ULK3: variants seen among roughly 807,000 people sequenced by gnomAD.
The protein encoded by ULK3 is unc-51 like kinase 3.
In ULK3, 54 loss-of-function variants were observed where a neutral mutation model predicts 69.4. The observed-to-expected ratio is 0.78, with a 90% CI of 0.63 to 0.98. ULK3 has a LOEUF of 0.98. ULK3 is among the 50% of genes least tolerant of loss of function. The pLI, the probability that ULK3 is intolerant of heterozygous loss-of-function variation, is 0.00. For synonymous variants in ULK3, 240 were observed against 254.5 expected (o/e 0.94, Z 0.54); for missense variants, 558 against 627.7 (o/e 0.89, Z 1.19).
In ULK3 at chr15:74,842,319, G is replaced by A; in HGVS notation, c.204C>T (p.Gly68=). 1 of 1,614,018 alleles carries A rather than the reference G, an allele frequency of 6.2e-7. No homozygotes were observed. The highest frequency in any genetic ancestry group is 8.5e-7 in the Non-Finnish European group (1 of 1,179,900). Residue 68 remains glycine, a synonymous_variant, in exon 2 of 16, where the codon GGC becomes GGT. Coordinates refer to ENST00000440863, the MANE Select transcript of ULK3 (RefSeq NM_001099436.4). This position sits in a 1 kb window ranked among gnomAD's most constrained non-coding sequence, Gnocchi z 4.9. ...GCTGCACAATGTGGGGATGTCGAAT[G>A]CCCTTGAGGATCTCAATCTCCGTGA... ...NLLTEIEILK[G]IRHPHIVQLK... is the part of the protein sequence containing the mutation.
At position 74,838,154 on chromosome 15, in the gene ULK3, C is replaced by G; in HGVS notation, c.1285G>C (p.Glu429Gln). ...ACCCTCTCAAGCTCAGTGGGCACCT[C>G]AGTGTGAAGCAGCTCCCGCCTCCGG... ...PGRRRELLHT[E>Q]VQNLMARAEY... The change falls in exon 13 of 16, where the codon GAG becomes CAG. Residue 429 changes from glutamate to glutamine, a missense_variant and splice_region_variant. By Grantham distance (29) the Glu-to-Gln change is conservative (BLOSUM62 2). Transcript: ENST00000440863. The G allele has an allele frequency of 6.4e-7, 1 of 1,556,424 alleles. No individual in the cohort carries two copies. The highest frequency in any genetic ancestry group is 2.4e-5 in the East Asian group (1 of 41,434).
In ULK3 at chr15:74,842,706, A is replaced by C; in HGVS notation, c.103-286T>G. ...TGCTCCCGGCAGAGGCATGTCACTC[A>C]GGGTTCTAGAACCGCCCACTCTGCC... On this transcript the variant is annotated intron_variant, in intron 1 of 15. Coordinates refer to ENST00000440863, the MANE Select transcript of ULK3 (RefSeq NM_001099436.4). The surrounding 1 kb of genome is among the most constrained non-coding windows in gnomAD (Gnocchi z 4.9). 1 of 1,533,348 alleles carries C rather than the reference A, an allele frequency of 6.5e-7. No individual in the cohort carries two copies. The highest frequency in any genetic ancestry group is 8.7e-7 in the Non-Finnish European group (1 of 1,145,028). 95.0% of individuals were successfully genotyped at this position (1,533,348 alleles called of 1,614,324 possible).
chr15:74,839,977 T>C (rs1426500631), intron 6 of ULK3, among the ~76,000 whole-genome samples: 1 of 152,100 alleles, frequency 6.6e-6, no homozygotes, highest in African/African-American at 2.4e-5. Context: ...ACTATGCTCC[T>C]AGGAAGGCTG....
In ULK3 at chr15:74,837,729, AGCGTGG is replaced by A; in HGVS notation, c.1335+16_1335+21del. ...AACAGAACCCACAGACCCTAGCCCC[AGCGTGG>A]CCCCCATGTGCCCACCTTGACCTGC... On this transcript the variant is annotated intron_variant, in intron 14 of 15. Coordinates refer to ENST00000440863, the MANE Select transcript of ULK3 (RefSeq NM_001099436.4). The A allele has an allele frequency of 6.3e-7, 1 of 1,587,278 alleles. No individual in the cohort carries two copies. The highest frequency in any genetic ancestry group is 8.6e-7 in the Non-Finnish European group (1 of 1,165,860).
At chr15:74,838,115 G>C in intron 13 of ULK3, 37 bp downstream of exon 13, 7 of 1,549,860 alleles carry the variant, frequency 4.5e-6, no homozygotes, top group Non-Finnish European at 6.1e-6. Flanking sequence ...GAAAGGGGAA[G>C]AGGAAGCCCC....
chr15:74,842,215 G>A lies in ULK3; in HGVS notation c.244-20C>T, dbSNP rs773252862. 5.0e-6 allele frequency: 8 copies of A among 1,614,034 alleles called. No individual in the cohort carries two copies. In the South Asian group the frequency reaches 7.7e-5, roughly 16 times the overall value. ...GTCCCACTGTGTTTAGAGGCAGAGA[G>A]GCGGCCTGAAGAGAGTGTCCCTTCT... On this transcript the variant is annotated intron_variant, in intron 2 of 15. Transcript: ENST00000440863. The surrounding 1 kb of genome is among the most constrained non-coding windows in gnomAD (Gnocchi z 4.9).
In ULK3 at chr15:74,839,723, A is replaced by G; in HGVS notation, c.697-10T>C. ...GGGGCCGCAAGGGGAGCTGCAGGGAAGGGAACGGCAGGGACAGATCACACT... is the reference window on the plus strand; with the variant it reads ...GGGGCCGCAAGGGGAGCTGCAGGGAGGGGAACGGCAGGGACAGATCACACT... On this transcript the variant is annotated splice_polypyrimidine_tract_variant and intron_variant, in intron 6 of 15. Transcript: ENST00000440863. The G allele has an allele frequency of 6.6e-7, 1 of 1,523,428 alleles. No homozygotes were observed. The highest frequency in any genetic ancestry group is 8.8e-7 in the Non-Finnish European group (1 of 1,139,858). 94.4% of individuals were successfully genotyped at this position (1,523,428 alleles called of 1,614,324 possible).
chr15:74,836,961 A>T lies in ULK3; in HGVS notation c.*267T>A. 2.4e-6 allele frequency: 1 copy of T among 424,338 alleles called. No homozygotes were observed. Among genetic ancestry groups the T allele is most frequent in the Non-Finnish European group, 4.2e-6 (1 of 240,692 alleles). The allele number at this position is 424,338 out of a possible 1,614,324, so 26.3% of individuals were successfully genotyped here. A position where few individuals can be genotyped will look rare whatever the true frequency, so the allele number is the denominator to read the frequency against. On this transcript the variant is annotated 3_prime_UTR_variant, in exon 16 of 16. Transcript: ENST00000440863. This position sits in a 1 kb window ranked among gnomAD's most constrained non-coding sequence, Gnocchi z 4.0. Reference sequence around the variant, plus strand: ...CGGACAGGCACAGGACCCAGTAACCACCGAGTAACAAAGGTCTCATGAAAG... The same window carrying T: ...CGGACAGGCACAGGACCCAGTAACCTCCGAGTAACAAAGGTCTCATGAAAG...
chr15:74,837,930 C>G (rs1233833171), intron 13 of ULK3, 132 bp from the exon 14 acceptor site: 8 of 1,180,736 alleles, frequency 6.8e-6, no homozygotes, highest in Non-Finnish European at 9.6e-6. Context: ...TCCTGAGTCC[C>G]TTATCTGCTC....
intron 4 of ULK3, 23 bp downstream of exon 4, chr15:74,841,382 T>C (rs2064240389): frequency 1.2e-6 from 2 of 1,603,538 alleles, no homozygotes; most frequent in Non-Finnish European, 1.7e-6. Context: ...CCAAACCTCA[T>C]CCCTGCTGTT....
In ULK3 at chr15:74,837,438, G is replaced by T. The variant is rs981119121; in HGVS notation, c.1336-3C>A. On this transcript the variant is annotated splice_polypyrimidine_tract_variant and splice_region_variant and intron_variant, in intron 14 of 15. Coordinates refer to ENST00000440863, the MANE Select transcript of ULK3 (RefSeq NM_001099436.4). ...GCTTCCCAGCGAGATTCCCTCATCTGTGGGATGTGAAGGCAGCACAAGGGA... is the reference window on the plus strand; with the variant it reads ...GCTTCCCAGCGAGATTCCCTCATCTTTGGGATGTGAAGGCAGCACAAGGGA... 3 of 1,610,774 alleles carry T rather than the reference G, an allele frequency of 1.9e-6. No homozygotes were observed. The highest frequency in any genetic ancestry group is 2.5e-6 in the Non-Finnish European group (3 of 1,178,648).
At chr15:74,840,474 A>G (rs2064206331) in intron 5 of ULK3, 24 bp downstream of exon 5, 1 of 1,595,060 alleles carries the variant, frequency 6.3e-7, no homozygotes, top group African/African-American at 1.3e-5. Context: ...CCTCAGGGTG[A>G]GAAGCAGGGA....
chr15:74,840,460 T>G, intron 5 of ULK3, 38 bp downstream of exon 5: 1 of 1,586,164 alleles, frequency 6.3e-7, no homozygotes, highest in Non-Finnish European at 8.6e-7. Flanking sequence ...GAGGAAACTG[T>G]AGGCCTCAGG....
At chr15:74,840,120 C>T in intron 6 of ULK3, 114 bp downstream of exon 6, 2 of 1,344,878 alleles carry the variant, frequency 1.5e-6, no homozygotes, top group Non-Finnish European at 2.0e-6. Flanking sequence ...CCCTCCACCA[C>T]AAAGGCAGCC....
rs35249396 is a variant in ULK3, at chr15:74,840,580, G to C, written c.531C>G (p.Pro177=). 1.5e-3 allele frequency: 2,443 copies of C among 1,608,834 alleles called. 39 individuals carry two copies. The African/African-American group carries it at 0.028, about 19-fold the overall frequency. The change falls in exon 5 of 16, where the codon CCC becomes CCG. Residue 177 remains proline (P), a synonymous_variant. Transcript: ENST00000440863. ...ACACCATCTCGGGGGCCATGTAGAGGGGGGAGCCACGGAGCACGTGCTTCT... is the reference window on the plus strand; with the variant it reads ...ACACCATCTCGGGGGCCATGTAGAGCGGGGAGCCACGGAGCACGTGCTTCT... ...WDEKHVLRGS[P]LYMAPEMVCQ...
At chr15:74,837,657 A>T (rs2064069255) in intron 14 of ULK3, 94 bp downstream of exon 14, 1 of 1,416,000 alleles carries the variant, frequency 7.1e-7, no homozygotes, top group African/African-American at 1.5e-5. Context: ...GAGGCGAGAG[A>T]GCAGACATAC....
chr15:74,839,614 CAAA>C lies in ULK3; in HGVS notation c.793_795del (p.Phe265del). ...TGCTCCAGGTCCACCCAGGGGTGCG[CAAA>C]AAAGTCCTGGAAGGAGATGCGACGG... On this transcript the variant is annotated inframe_deletion, in exon 7 of 16. Transcript: ENST00000440863. 2 of 1,563,094 alleles carry C rather than the reference CAAA, an allele frequency of 1.3e-6. No homozygotes were observed. The highest frequency in any genetic ancestry group is 1.7e-6 in the Non-Finnish European group (2 of 1,154,918).
intron 3 of ULK3, 58 bp from the exon 4 acceptor site, chr15:74,841,567 G>A (rs1280324180): frequency 2.0e-5 from 29 of 1,448,560 alleles, no homozygotes; most frequent in African/African-American, 2.8e-5. Context: ...CCTGCCTCTC[G>A]CCTCCCCGGC....
chr15:74,839,524 C>T (rs1362519069), intron 7 of ULK3, 34 bp downstream of exon 7: 1 of 1,544,880 alleles, frequency 6.5e-7, no homozygotes, highest in South Asian at 1.2e-5. Flanking sequence ...TCCAGCCCAC[C>T]CTCAGCCCAC....
Sources: allele counts gnomAD v4.1 joint callset (sites outside exome capture counted in the v4.1 genomes callset), GRCh38; gene constraint gnomAD v4.1.1; non-coding constraint Gnocchi (gnomAD v3.1); transcripts MANE v1.5; gene names NCBI Gene and HGNC (gene_info 2026-07-23, HGNC 2026-07-21).